The following PXDNL variants were observed in gnomAD, a reference collection of about 807,000 sequenced individuals.
The protein encoded by PXDNL is probable oxidoreductase PXDNL.
Under a neutral mutation model 150.8 loss-of-function variants are expected in PXDNL, and 145 were observed. The ratio of observed to expected loss-of-function variants is 0.96; its 90% CI spans 0.84 to 1.10. The LOEUF is 1.10. Among genes scored for constraint, PXDNL ranks in the 50% least tolerant of loss-of-function variants. The probability of loss-of-function intolerance (pLI) is 0.00; values close to 1 mark genes in which losing one functional copy is unlikely to be tolerated. For missense variants in PXDNL, 2,087 were observed against 1,873.9 expected, an observed-to-expected ratio of 1.11 and a Z score of -2.10; for synonymous variants, 757 against 725.7, an observed-to-expected ratio of 1.04 and a Z score of -0.69.
intron 21 of PXDNL, among the ~76,000 whole-genome samples, chr8:51,332,554 C>G (rs1304274651): frequency 6.6e-6 from 1 of 151,276 alleles, no homozygotes; most frequent in African/African-American, 2.4e-5. Context: ...AAAGGCGAAG[C>G]TCAATGCAAG....
intron 1 of PXDNL, among the ~76,000 whole-genome samples, chr8:51,674,987 T>C (rs73678944): frequency 0.11 from 17,222 of 152,214 alleles, 1,610 homozygotes; most frequent in African/African-American, 0.24. Context: ...CTAGTAGAAA[T>C]GGTCCATGAG....
At chr8:51,392,252 A>G (rs1178877622) in intron 17 of PXDNL, among the ~76,000 whole-genome samples, 2 of 152,108 alleles carry the variant, frequency 1.3e-5, no homozygotes, top group African/African-American at 4.8e-5. Context: ...GAACTTTAAA[A>G]TAGTTTTTTC....
chr8:51,485,053 T>C (rs1810698457), intron 5 of PXDNL, among the ~76,000 whole-genome samples: 1 of 152,224 alleles, frequency 6.6e-6, no homozygotes, highest in African/African-American at 2.4e-5. Flanking sequence ...TGAGCTGTAC[T>C]TCATGACTAG....
intron 2 of PXDNL, among the ~76,000 whole-genome samples, chr8:51,639,784 A>G (rs1193545225): frequency 2.6e-5 from 4 of 152,184 alleles, no homozygotes; most frequent in Non-Finnish European, 4.4e-5. Flanking sequence ...ACAAGGAGGA[A>G]CTGGTACCAT....
intron 5 of PXDNL, among the ~76,000 whole-genome samples, chr8:51,488,823 G>A (rs1006653631): frequency 1.3e-5 from 2 of 152,052 alleles, no homozygotes; most frequent in African/African-American, 4.8e-5. Flanking sequence ...GAAAGGCCAA[G>A]ATTTTCAAAA....
At chr8:51,451,152 A>T (rs892157914) in intron 10 of PXDNL, among the ~76,000 whole-genome samples, 2 of 151,256 alleles carry the variant, frequency 1.3e-5, no homozygotes, top group African/African-American at 4.8e-5. Flanking sequence ...ATTATTAAAA[A>T]TATTAACATT....
At chr8:51,630,862 A>G (rs963898225) in intron 2 of PXDNL, among the ~76,000 whole-genome samples, 7 of 152,180 alleles carry the variant, frequency 4.6e-5, no homozygotes, top group Non-Finnish European at 1.0e-4. Context: ...CATTGGGGAA[A>G]GCAGTGTGGC....
Position 51,392,973 on chromosome 8 carries a change from AAT to A in PXDNL, c.3557+15092_3557+15093del, listed in dbSNP as rs770916206. On this transcript the variant is annotated intron_variant, in intron 17 of 22. Coordinates refer to ENST00000356297, the MANE Select transcript of PXDNL (RefSeq NM_144651.5). Reference sequence around the variant, plus strand: ...GTAGTCTCACTTACAGCCATTTGAAAATATATTTCCTGAGCAAAAGAAAATAC... The same window carrying A: ...GTAGTCTCACTTACAGCCATTTGAAAATATTTCCTGAGCAAAAGAAAATAC... Among the ~76,000 whole-genome samples, 11 of 152,320 alleles carry A rather than the reference AAT, an allele frequency of 7.2e-5. No homozygotes were observed. The East Asian group carries it at 1.9e-3, about 27-fold the overall frequency.
intron 17 of PXDNL, among the ~76,000 whole-genome samples, chr8:51,384,840 G>A (rs1463975071): frequency 6.6e-6 from 1 of 151,924 alleles, no homozygotes; most frequent in African/African-American, 2.4e-5. Context: ...GCAGAGTACA[G>A]AATATAGAAC....
intron 1 of PXDNL, among the ~76,000 whole-genome samples, chr8:51,778,649 A>G (rs1158463733): frequency 6.6e-6 from 1 of 152,232 alleles, no homozygotes; most frequent in African/African-American, 2.4e-5. Context: ...CCAAAATGAC[A>G]GGACTGGAAA....
intron 11 of PXDNL, 113 bp downstream of exon 11, chr8:51,448,889 A>G: frequency 1.4e-6 from 1 of 710,908 alleles, no homozygotes; most frequent in Non-Finnish European, 2.6e-6. Flanking sequence ...TTTCTGTGTA[A>G]TTTTTTCATG....
At chr8:51,766,607 C>A (rs1470908027) in intron 1 of PXDNL, among the ~76,000 whole-genome samples, 1 of 152,106 alleles carries the variant, frequency 6.6e-6, no homozygotes, top group Non-Finnish European at 1.5e-5. Flanking sequence ...GCTGGATATG[C>A]AATTGTTGTT....
chr8:51,488,986 G>T (rs1464957490), intron 5 of PXDNL, among the ~76,000 whole-genome samples: 1 of 152,138 alleles, frequency 6.6e-6, no homozygotes, highest in African/African-American at 2.4e-5. Context: ...TCGGAAACAA[G>T]AAAGATCTCT....
At chr8:51,409,680 CT>C in intron 16 of PXDNL, 119 bp from the exon 17 acceptor site, 2 of 702,982 alleles carry the variant, frequency 2.8e-6, no homozygotes, top group Non-Finnish European at 4.4e-6. Flanking sequence ...GAAAAGAGGC[CT>C]TTCTTACTTC....
chr8:51,350,196 G>C (rs1806293094), intron 19 of PXDNL, among the ~76,000 whole-genome samples: 1 of 151,950 alleles, frequency 6.6e-6, no homozygotes, highest in Non-Finnish European at 1.5e-5. Context: ...AGGGTCTCTG[G>C]TTTGGGACGG....
At chr8:51,723,789 G>A (rs1277856137) in intron 1 of PXDNL, among the ~76,000 whole-genome samples, 1 of 152,154 alleles carries the variant, frequency 6.6e-6, no homozygotes, top group Non-Finnish European at 1.5e-5. Context: ...ATTAGGCAGG[G>A]AGGGGGCGCG....
At chr8:51,748,362 T>C (rs747986599) in intron 1 of PXDNL, among the ~76,000 whole-genome samples, 2 of 152,214 alleles carry the variant, frequency 1.3e-5, no homozygotes, top group Non-Finnish European at 2.9e-5. Context: ...AAGGGTTTTG[T>C]CCTCAGTTAT....
intron 22 of PXDNL, among the ~76,000 whole-genome samples, chr8:51,320,308 T>C (rs898399308): frequency 6.6e-6 from 1 of 152,252 alleles, no homozygotes; most frequent in African/African-American, 2.4e-5. Context: ...CTGGAAAGAA[T>C]CAGCTCTGTT....
chr8:51,449,784 C>T (rs372903616), intron 10 of PXDNL, among the ~76,000 whole-genome samples: 78 of 152,268 alleles, frequency 5.1e-4, no homozygotes, highest in African/African-American at 1.7e-3. Context: ...TCCCCAGTAA[C>T]GCCTAAGTGA....
Sources: gnomAD v4.1 joint callset for allele counts (sites outside exome capture counted in the v4.1 genomes callset) on GRCh38, gnomAD v4.1.1 for gene constraint, MANE v1.5 for transcripts, NCBI Gene and HGNC (gene_info 2026-07-23, HGNC 2026-07-21) for gene names.